USP16: variants seen among roughly 807,000 people sequenced by gnomAD.
USP16 encodes ubiquitin specific peptidase 16.
In USP16, 77 loss-of-function variants were observed where a neutral mutation model predicts 95.9. The ratio of observed to expected loss-of-function variants is 0.80; its 90% CI spans 0.67 to 0.97. The LOEUF (loss-of-function observed/expected upper bound fraction) is 0.97, where lower values mean the gene tolerates loss of function less well. USP16 is among the 50% of genes least tolerant of loss of function. The probability of loss-of-function intolerance (pLI) is 0.00; values close to 1 mark genes in which losing one functional copy is unlikely to be tolerated. For missense variants in USP16, 943 were observed against 959.9 expected (o/e 0.98, Z 0.23); for synonymous variants, 303 against 318.2 (o/e 0.95, Z 0.51).
At chr21:29,050,713 T>G in intron 16 of USP16, among the ~76,000 whole-genome samples, 1 of 152,040 alleles carries the variant, frequency 6.6e-6, no homozygotes, top group Non-Finnish European at 1.5e-5. Context: ...CTAGAGTTTA[T>G]AGTACAAGGT....
chr21:29,032,477 C>A (rs1465761571), intron 3 of USP16, among the ~76,000 whole-genome samples: 2 of 152,134 alleles, frequency 1.3e-5, no homozygotes, highest in East Asian at 3.9e-4. Context: ...AGTGATCTAC[C>A]CCCCTGGGCC....
intron 14 of USP16, 55 bp from the exon 15 acceptor site, chr21:29,048,706 G>A: frequency 7.3e-7 from 1 of 1,361,098 alleles, no homozygotes; most frequent in Non-Finnish European, 1.0e-6. Context: ...AAATCTGAAT[G>A]CTTTAGGGGT....
chr21:29,040,893 T>C (rs1167700249), intron 10 of USP16, among the ~76,000 whole-genome samples: 1 of 152,236 alleles, frequency 6.6e-6, no homozygotes, highest in Non-Finnish European at 1.5e-5. Context: ...AAGATAGAAC[T>C]ATGATGAATT....
chr21:29,048,031 T>G (rs1019504826), intron 14 of USP16, among the ~76,000 whole-genome samples: 1 of 149,826 alleles, frequency 6.7e-6, no homozygotes, highest in Non-Finnish European at 1.5e-5. Flanking sequence ...TGTATATATA[T>G]CAGCTCAGAG....
At chr21:29,026,099 A>T (rs1244341456) in intron 1 of USP16, among the ~76,000 whole-genome samples, 1 of 152,196 alleles carries the variant, frequency 6.6e-6, no homozygotes, top group Admixed American at 6.5e-5. Context: ...TTTAGATAGA[A>T]TATTACAGCT....
In USP16 at chr21:29,050,149, T is replaced by A. The variant is rs1278907713; in HGVS notation, c.2164T>A (p.Leu722Met). 1 of 1,613,570 alleles carries A rather than the reference T, an allele frequency of 6.2e-7. No individual in the cohort carries two copies. The highest frequency in any genetic ancestry group is 8.5e-7 in the Non-Finnish European group (1 of 1,179,976). Residue 722 changes from leucine (L) to methionine (M), a missense_variant, in exon 16 of 18, where the codon TTG becomes ATG. Physicochemically the swap from Leu to Met is conservative, Grantham distance 15. Coordinates refer to ENST00000399976, the MANE Select transcript of USP16 (RefSeq NM_006447.3). ...CATAAAGTTTCCGGAAATCTTAGATTTGGCTCCTTTTTGCACCCTTAAATG... is the reference window on the plus strand; with the variant it reads ...CATAAAGTTTCCGGAAATCTTAGATATGGCTCCTTTTTGCACCCTTAAATG... ...KHIKFPEILD[L>M]APFCTLKCKN...
At chr21:29,025,690 C>T (rs1178067693) in intron 1 of USP16, 1 of 973,494 alleles carries the variant, frequency 1.0e-6, no homozygotes, top group Non-Finnish European at 1.2e-6. Flanking sequence ...TCATTTTTCA[C>T]CCTTTTCTTT....
At position 29,037,258 on chromosome 21, in the gene USP16, T is replaced by C. The variant is rs2085172075; in HGVS notation, c.449-18T>C. 1 of 1,470,594 alleles carries C rather than the reference T, an allele frequency of 6.8e-7. No homozygotes were observed. Among genetic ancestry groups the C allele is most frequent in the Non-Finnish European group, 9.3e-7 (1 of 1,080,828 alleles). The allele number at this position is 1,470,594 out of a possible 1,614,324, so 91.1% of individuals were successfully genotyped here. A position where few individuals can be genotyped will look rare whatever the true frequency, so the allele number is the denominator to read the frequency against. ...TGACTGTATTACACATTTTGCTAAA[T>C]CTTTTCTTTTTTTAAAGCAGAGAAA... On this transcript the variant is annotated intron_variant, in intron 5 of 17. Transcript: ENST00000399976.
chr21:29,036,387 G>C lies in USP16; in HGVS notation c.448+13G>C. ...ACTCCAAAGCCAGGTAAAATAATTT[G>C]TTTCTTTAATATACACCAAATGTCG... On this transcript the variant is annotated intron_variant, in intron 5 of 17. Coordinates refer to ENST00000399976, the MANE Select transcript of USP16 (RefSeq NM_006447.3). 1.2e-6 allele frequency: 2 copies of C among 1,610,948 alleles called. No homozygotes were observed. Among genetic ancestry groups the C allele is most frequent in the Non-Finnish European group, 1.7e-6 (2 of 1,177,864 alleles).
rs537984399 is a variant in USP16 at position 29,053,124 on chromosome 21, G to A, written c.2194-678G>A. ...GGACGGAGAAGTACTAAGTTCTTCA[G>A]TGAATATGGAGGCACAGATTGGGAA... is the stretch of plus-strand genomic sequence containing the variant. On this transcript the variant is annotated intron_variant, in intron 16 of 17. Coordinates refer to ENST00000399976, the MANE Select transcript of USP16 (RefSeq NM_006447.3). The A allele has an allele frequency of 3.4e-4, 52 of 152,396 alleles. 1 individual carries two copies. Among genetic ancestry groups the A allele is most frequent in the African/African-American group, 1.3e-3 (52 of 41,584 alleles). The allele number at this position is 152,396 out of a possible 1,614,324, so 9.4% of individuals were successfully genotyped here.
intron 13 of USP16, among the ~76,000 whole-genome samples, chr21:29,044,139 G>A (rs985087792): frequency 1.3e-5 from 2 of 152,062 alleles, no homozygotes; most frequent in Admixed American, 1.3e-4. Flanking sequence ...CACCATTGTT[G>A]GCCAGGCTGG....
At chr21:29,039,430 C>G in intron 8 of USP16, 51 bp from the exon 9 acceptor site, 1 of 1,565,922 alleles carries the variant, frequency 6.4e-7, no homozygotes, top group Non-Finnish European at 8.7e-7. Context: ...AAAATAGCTT[C>G]AGAGCTTAGT....
chr21:29,039,659 T>C, intron 9 of USP16, 91 bp downstream of exon 9: 1 of 1,300,296 alleles, frequency 7.7e-7, no homozygotes, highest in African/African-American at 1.5e-5. Flanking sequence ...CAATGAAAGC[T>C]AGTTATTAAG....
In USP16 at chr21:29,053,752, C is replaced by G. The variant is rs746175862; in HGVS notation, c.2194-50C>G. Reference sequence around the variant, plus strand: ...TGTAAACTTGTCTTGCCCATGACATCTGTGTAAATGGAACTAGAACTAACT... The same window carrying G: ...TGTAAACTTGTCTTGCCCATGACATGTGTGTAAATGGAACTAGAACTAACT... On this transcript the variant is annotated intron_variant, in intron 16 of 17. Transcript: ENST00000399976. 8 of 1,577,114 alleles carry G rather than the reference C, an allele frequency of 5.1e-6. No homozygotes were observed. The East Asian group carries it at 1.8e-4, about 35-fold the overall frequency.
intron 6 of USP16, among the ~76,000 whole-genome samples, chr21:29,037,894 C>CT (rs2085185810): frequency 6.6e-6 from 1 of 152,050 alleles, no homozygotes; most frequent in Non-Finnish European, 1.5e-5. Context: ...CCAAAGAAAA[C>CT]TTAAGGAAAG....
At chr21:29,043,369 A>T in intron 12 of USP16, 54 bp from the exon 13 acceptor site, 1 of 1,250,632 alleles carries the variant, frequency 8.0e-7, no homozygotes, top group Non-Finnish European at 1.0e-6. Context: ...ATTTTTTTTC[A>T]CCAAATGGTA....
chr21:29,036,086 T>G (rs2085152087), intron 4 of USP16, among the ~76,000 whole-genome samples, 185 bp from the exon 5 acceptor site: 1 of 152,250 alleles, frequency 6.6e-6, no homozygotes, highest in South Asian at 2.1e-4. Context: ...TAATTCTGGC[T>G]AATTTTATTA....
At chr21:29,036,066 T>C (rs2085151791) in intron 4 of USP16, among the ~76,000 whole-genome samples, 1 of 152,258 alleles carries the variant, frequency 6.6e-6, no homozygotes, top group African/African-American at 2.4e-5. Context: ...ATACTACTTA[T>C]ATGCAGCCAT....
In USP16 at chr21:29,027,974, G is replaced by C; in HGVS notation, c.61G>C (p.Glu21Gln). The part of the protein sequence containing the change: ...VPIDDSSETL[E>Q]PVCRHIRKGL... ...AATCGATGATTCCTCTGAAACTTTA[G>C]GTATATTTCATTGATTGAATCTTTA... is the stretch of plus-strand genomic sequence containing the variant. The change falls in exon 2 of 18, where the codon GAA (glutamate) becomes CAA (glutamine). Residue 21 changes from glutamate (E) to glutamine (Q), a missense_variant and splice_region_variant. Glu to Gln is a conservative substitution (Grantham distance 29). Coordinates refer to ENST00000399976, the MANE Select transcript of USP16 (RefSeq NM_006447.3). 6.2e-7 allele frequency: 1 copy of C among 1,608,190 alleles called. No homozygotes were observed. The highest frequency in any genetic ancestry group is 8.5e-7 in the Non-Finnish European group (1 of 1,175,498).
Sources: gnomAD v4.1 joint callset for allele counts (sites outside exome capture counted in the v4.1 genomes callset) on GRCh38, gnomAD v4.1.1 for gene constraint, MANE v1.5 for transcripts, NCBI Gene and HGNC (gene_info 2026-07-23, HGNC 2026-07-21) for gene names.